The following PLXNA2 variants were observed in gnomAD, a reference collection of about 807,000 sequenced individuals.
PLXNA2 encodes the protein plexin-A2.
A neutral mutation model predicts 193.5 loss-of-function variants in PLXNA2; 91 were observed. The observed-to-expected ratio is 0.47, with a 90% CI of 0.40 to 0.56. PLXNA2 has a LOEUF of 0.56. PLXNA2 is among the 20% of genes least tolerant of loss of function. PLXNA2 has a pLI of 0.00. For missense variants in PLXNA2, 1,995 were observed against 2,503.2 expected (o/e 0.80, Z 4.33); for synonymous variants, 997 against 1,027.3 (o/e 0.97, Z 0.56).
In PLXNA2 at chr1:208,038,747, C is replaced by A. The variant is rs1571849096; in HGVS notation, c.4660+78G>T. On this transcript the variant is annotated intron_variant, in intron 25 of 31. Coordinates refer to ENST00000367033, the MANE Select transcript of PLXNA2 (RefSeq NM_025179.4). The surrounding 1 kb of genome is among the most constrained non-coding windows in gnomAD (Gnocchi z 4.1). ...TGGCCAGGACACAGTCATGCCCCTG[C>A]AAGGGTTGTGTGCATGGCAGCTTCC... is the stretch of plus-strand genomic sequence containing the variant. 1.4e-6 allele frequency: 2 copies of A among 1,452,548 alleles called. No homozygotes were observed. Among genetic ancestry groups the A allele is most frequent in the East Asian group, 4.5e-5 (2 of 44,000 alleles). The allele number at this position is 1,452,548 out of a possible 1,614,324, so 90.0% of individuals were successfully genotyped here.
chr1:208,110,683 G>A (rs1007064050), intron 4 of PLXNA2, among the ~76,000 whole-genome samples: 3 of 152,164 alleles, frequency 2.0e-5, no homozygotes, highest in Non-Finnish European at 2.9e-5. Flanking sequence ...CGCAGGTAAG[G>A]TCATATCCTT....
chr1:208,128,546 G>A (rs974257411), intron 4 of PLXNA2, among the ~76,000 whole-genome samples: 39 of 152,236 alleles, frequency 2.6e-4, no homozygotes, highest in African/African-American at 7.7e-4. Flanking sequence ...GAGTGATAGA[G>A]CCAAGATTTG....
chr1:208,163,965 C>T (rs1669215456), intron 3 of PLXNA2, among the ~76,000 whole-genome samples: 1 of 152,220 alleles, frequency 6.6e-6, no homozygotes, highest in Non-Finnish European at 1.5e-5. Context: ...ACCACCCCCA[C>T]AAAGGGGCCG....
intron 3 of PLXNA2, among the ~76,000 whole-genome samples, chr1:208,195,435 T>C (rs1670325171): frequency 6.6e-6 from 1 of 152,140 alleles, no homozygotes; most frequent in Admixed American, 6.5e-5. Context: ...GGCACTGTGC[T>C]TGTACAAGAC....
At chr1:208,040,377 G>T (rs1558159500) in intron 22 of PLXNA2, 1 of 325,118 alleles carries the variant, frequency 3.1e-6, no homozygotes, top group Non-Finnish European at 5.7e-6. Context: ...ATCCCACAGG[G>T]CTATAAAGAA....
intron 3 of PLXNA2, among the ~76,000 whole-genome samples, chr1:208,209,004 C>T (rs1168784409): frequency 6.6e-6 from 1 of 152,206 alleles, no homozygotes; most frequent in Non-Finnish European, 1.5e-5. Flanking sequence ...CCTTCCCTTC[C>T]CATTTTGGAA....
chr1:208,094,178 A>G (rs1384322587), intron 8 of PLXNA2, among the ~76,000 whole-genome samples: 1 of 152,224 alleles, frequency 6.6e-6, no homozygotes, highest in Non-Finnish European at 1.5e-5. Flanking sequence ...CAGCAAGTAA[A>G]TAATGAAAAT....
intron 4 of PLXNA2, among the ~76,000 whole-genome samples, chr1:208,116,897 C>A (rs1000787923): frequency 6.6e-6 from 1 of 152,150 alleles, no homozygotes; most frequent in Non-Finnish European, 1.5e-5. Flanking sequence ...AGGGGCCAGG[C>A]AAGGTGCTTA....
Position 208,033,409 on chromosome 1 carries a change from C to T in PLXNA2, c.4965G>A (p.Val1655=). 1 of 1,614,216 alleles carries T rather than the reference C, an allele frequency of 6.2e-7. No homozygotes were observed. Among genetic ancestry groups the T allele is most frequent in the Non-Finnish European group, 8.5e-7 (1 of 1,180,034 alleles). ...LESGVKVWHL[V]KNHDHGDQKE... Reference sequence around the variant, plus strand: ...TCTGGTCACCGTGGTCATGGTTCTTCACCAGATGCCACACCTTGACCCCAC... The same window carrying T: ...TCTGGTCACCGTGGTCATGGTTCTTTACCAGATGCCACACCTTGACCCCAC... Residue 1655 remains valine (V), a synonymous_variant, in exon 28 of 32, where the codon GTG becomes GTA. Coordinates refer to ENST00000367033, the MANE Select transcript of PLXNA2 (RefSeq NM_025179.4).
At chr1:208,063,299 T>G (rs1456204798) in intron 12 of PLXNA2, among the ~76,000 whole-genome samples, 1 of 152,234 alleles carries the variant, frequency 6.6e-6, no homozygotes, top group Non-Finnish European at 1.5e-5. Context: ...CGGGGTAGCT[T>G]CCTCCTGCTG....
chr1:208,139,680 A>G (rs1442876441), intron 4 of PLXNA2, among the ~76,000 whole-genome samples: 1 of 152,206 alleles, frequency 6.6e-6, no homozygotes, highest in East Asian at 1.9e-4. Flanking sequence ...GGATTCTACT[A>G]TCAGTGATAA....
chr1:208,060,436 G>C (rs1665577956), intron 13 of PLXNA2, among the ~76,000 whole-genome samples: 1 of 152,150 alleles, frequency 6.6e-6, no homozygotes, highest in South Asian at 2.1e-4. Context: ...GGCAAAGACT[G>C]AATGAGGGAC....
rs894653271 is a variant in PLXNA2, at chr1:208,227,864, A to G, written c.-80-9862T>C. On this transcript the variant is annotated intron_variant, in intron 1 of 31. Coordinates refer to ENST00000367033, the MANE Select transcript of PLXNA2 (RefSeq NM_025179.4). ...AGATGGGGCAGGAGAGCAAGCTTAA[A>G]AAGTACTCAACTAAAAGGTTAAATA... Among the ~76,000 whole-genome samples the G allele has an allele frequency of 3.3e-5, 5 of 152,378 alleles. No homozygotes were observed. In the East Asian group the frequency reaches 5.8e-4, roughly 18 times the overall value.
chr1:208,060,110 C>A (rs1203834251), intron 13 of PLXNA2, among the ~76,000 whole-genome samples: 1 of 152,178 alleles, frequency 6.6e-6, no homozygotes, highest in African/African-American at 2.4e-5. Flanking sequence ...TTCGTGCCCA[C>A]CTCCTGCCCA....
chr1:208,110,854 A>G (rs1459846867), intron 4 of PLXNA2, among the ~76,000 whole-genome samples: 5 of 152,182 alleles, frequency 3.3e-5, no homozygotes, highest in Admixed American at 6.5e-5. Context: ...CCTAGAAAGA[A>G]CATCTTTCTG....
intron 3 of PLXNA2, among the ~76,000 whole-genome samples, chr1:208,149,228 T>G (rs2102494630): frequency 6.6e-6 from 1 of 152,086 alleles, no homozygotes; most frequent in South Asian, 2.1e-4. Flanking sequence ...GTGTATGATG[T>G]GTATGTGTTG....
chr1:208,174,877 G>C lies in PLXNA2; in HGVS notation c.1372-32414C>G, dbSNP rs565387110. Among the ~76,000 whole-genome samples the C allele has an allele frequency of 7.2e-5, 11 of 152,338 alleles. No individual in the cohort carries two copies. In the South Asian group the frequency reaches 1.0e-3, roughly 14 times the overall value. On this transcript the variant is annotated intron_variant, in intron 3 of 31. Coordinates refer to ENST00000367033, the MANE Select transcript of PLXNA2 (RefSeq NM_025179.4). ...CAAGAGAAATTCCCCGAGGAAATGA[G>C]CTGGTGTTTCCTGGTCTCCCTCAAT...
At chr1:208,046,797 A>AGTGTGT (rs57420579) in intron 17 of PLXNA2, among the ~76,000 whole-genome samples, 10,579 of 129,464 alleles carry the variant, frequency 0.082, 609 homozygotes, top group Non-Finnish European at 0.11. Flanking sequence ...AGAACAGCAT[A>AGTGTGT]GTGTGTGTGT....
chr1:208,194,977 G>C (rs111356838), intron 3 of PLXNA2, among the ~76,000 whole-genome samples: 11 of 152,152 alleles, frequency 7.2e-5, no homozygotes, highest in Non-Finnish European at 1.5e-4. Context: ...CAGAGTCCAC[G>C]CTGAAGTTTT....
Sources: gnomAD v4.1 joint callset for allele counts (sites outside exome capture counted in the v4.1 genomes callset) on GRCh38, gnomAD v4.1.1 for gene constraint, Gnocchi (gnomAD v3.1) non-coding constraint, MANE v1.5 for transcripts, NCBI Gene and HGNC (gene_info 2026-07-23, HGNC 2026-07-21) for gene names.